The following BMP6 variants were observed in gnomAD, a reference collection of about 807,000 sequenced individuals.
BMP6 encodes VG-1-R.
Under a neutral mutation model 54.1 loss-of-function variants are expected in BMP6, and 17 were observed. That is an observed-to-expected ratio of 0.31 (90% CI 0.22 to 0.47). BMP6 has a LOEUF of 0.47. Ranked by LOEUF, BMP6 falls within the 20% of genes least tolerant of loss-of-function variation. The pLI, the probability that BMP6 is intolerant of heterozygous loss-of-function variation, is 1.00. For missense variants in BMP6, 720 were observed against 690.4 expected (o/e 1.04, Z -0.48); for synonymous variants, 328 against 291.2 (o/e 1.13, Z -1.28).
rs757390790 is a variant in BMP6, at chr6:7,880,558, A to C, written c.*215A>C. 5.0e-5 allele frequency: 31 copies of C among 617,894 alleles called. No homozygotes were observed. The highest frequency in any genetic ancestry group is 3.4e-4 in the East Asian group (12 of 35,122). The allele number at this position is 617,894 out of a possible 1,614,324, so 38.3% of individuals were successfully genotyped here. ...GTAGTTGTTGGTCTGTAGCAAGCTG[A>C]GTTTGGATGTCTGTAGCATAAGGTC... On this transcript the variant is annotated 3_prime_UTR_variant, in exon 7 of 7. Transcript: ENST00000283147.
intron 1 of BMP6, among the ~76,000 whole-genome samples, chr6:7,740,006 G>A (rs1762018157): frequency 6.6e-6 from 1 of 152,222 alleles, no homozygotes; most frequent in Non-Finnish European, 1.5e-5. Context: ...GATTCAGAAG[G>A]GTTGGCCTGT....
chr6:7,758,607 C>T (rs954976304), intron 1 of BMP6, among the ~76,000 whole-genome samples: 3 of 152,180 alleles, frequency 2.0e-5, no homozygotes, highest in Admixed American at 2.0e-4. Flanking sequence ...ATTTTGACTT[C>T]TTTTGAATAG....
At chr6:7,843,287 G>A (rs922852123) in intron 1 of BMP6, among the ~76,000 whole-genome samples, 7 of 151,336 alleles carry the variant, frequency 4.6e-5, no homozygotes, top group Non-Finnish European at 8.8e-5. Flanking sequence ...AAAAGAACTC[G>A]AATCTAAAAA....
intron 1 of BMP6, among the ~76,000 whole-genome samples, chr6:7,793,828 A>G (rs1392255508): frequency 6.6e-6 from 1 of 152,182 alleles, no homozygotes; most frequent in Non-Finnish European, 1.5e-5. Context: ...CCAGATATCC[A>G]CGGGCTGTCA....
intron 1 of BMP6, among the ~76,000 whole-genome samples, chr6:7,836,022 A>G (rs1001284806): frequency 3.3e-5 from 5 of 151,834 alleles, no homozygotes; most frequent in Admixed American, 2.6e-4. Flanking sequence ...TGTATTTTTA[A>G]TAGAGGCAAG....
At chr6:7,803,738 C>T (rs140414623) in intron 1 of BMP6, among the ~76,000 whole-genome samples, 1 of 152,142 alleles carries the variant, frequency 6.6e-6, no homozygotes, top group Non-Finnish European at 1.5e-5. Flanking sequence ...TTTCAAGATG[C>T]ACCATTTTTT....
intron 1 of BMP6, among the ~76,000 whole-genome samples, chr6:7,826,169 C>T (rs1164049625): frequency 6.6e-6 from 1 of 152,182 alleles, no homozygotes; most frequent in East Asian, 1.9e-4. Flanking sequence ...CTCTCTCTGT[C>T]TGCGAGTCTG....
chr6:7,736,631 C>T (rs1761959594), intron 1 of BMP6, among the ~76,000 whole-genome samples: 2 of 152,164 alleles, frequency 1.3e-5, no homozygotes, highest in Non-Finnish European at 2.9e-5. Context: ...TATGACAAAG[C>T]TACACAGGTT....
intron 1 of BMP6, among the ~76,000 whole-genome samples, chr6:7,805,055 G>C (rs936339253): frequency 1.3e-5 from 2 of 152,130 alleles, no homozygotes; most frequent in Non-Finnish European, 2.9e-5. Flanking sequence ...TTTTATTGTT[G>C]AAAGTTTAAC....
intron 2 of BMP6, among the ~76,000 whole-genome samples, chr6:7,847,369 G>A (rs183146835): frequency 6.6e-6 from 1 of 152,208 alleles, no homozygotes; most frequent in African/African-American, 2.4e-5. Context: ...TTATCTGTGG[G>A]CCAGGAGCCC....
intron 1 of BMP6, among the ~76,000 whole-genome samples, chr6:7,827,392 C>T (rs890092095): frequency 2.0e-5 from 3 of 152,226 alleles, no homozygotes; most frequent in Non-Finnish European, 4.4e-5. Context: ...AATGTGCTCT[C>T]TGGTGCTACA....
At chr6:7,874,046 A>G (rs1264445028) in intron 4 of BMP6, among the ~76,000 whole-genome samples, 1 of 152,144 alleles carries the variant, frequency 6.6e-6, no homozygotes, top group Non-Finnish European at 1.5e-5. Context: ...GGACACCTTT[A>G]GGAGCGCAGG....
chr6:7,733,099 T>G (rs1561753349), intron 1 of BMP6, among the ~76,000 whole-genome samples: 1 of 151,976 alleles, frequency 6.6e-6, no homozygotes, highest in Non-Finnish European at 1.5e-5. Context: ...GGAGCTGGGG[T>G]TTCACCATGT....
intron 1 of BMP6, among the ~76,000 whole-genome samples, chr6:7,803,656 T>G (rs1748558187): frequency 6.6e-6 from 1 of 152,184 alleles, no homozygotes; most frequent in Non-Finnish European, 1.5e-5. Flanking sequence ...TTTTGTAGTT[T>G]TCTCGGCCCA....
intron 2 of BMP6, 71 bp from the exon 3 acceptor site, chr6:7,861,380 T>C: frequency 6.4e-7 from 1 of 1,567,216 alleles, no homozygotes; most frequent in East Asian, 2.2e-5. Context: ...ATCCTGACGC[T>C]GAGACAGGAA....
At position 7,727,420 on chromosome 6, in the gene BMP6, G is replaced by C. The variant is rs777999429; in HGVS notation, c.465G>C (p.Gly155=). Reference sequence around the variant, plus strand: ...ACGACGAGGACGGGGCGTCGGAGGGGGAGAGGCAGCAGTCCTGGCCCCACG... The same window carrying C: ...ACGACGAGGACGGGGCGTCGGAGGGCGAGAGGCAGCAGTCCTGGCCCCACG... ...ADNDEDGASE[G]ERQQSWPHEA... The change falls in exon 1 of 7, where the codon GGG becomes GGC. Residue 155 remains glycine (G), a synonymous_variant. Transcript: ENST00000283147. 3 of 1,607,108 alleles carry C rather than the reference G, an allele frequency of 1.9e-6. No homozygotes were observed. Among genetic ancestry groups the C allele is most frequent in the Non-Finnish European group, 2.5e-6 (3 of 1,177,820 alleles).
At chr6:7,812,337 T>C (rs1215783788) in intron 1 of BMP6, among the ~76,000 whole-genome samples, 1 of 152,232 alleles carries the variant, frequency 6.6e-6, no homozygotes, top group Non-Finnish European at 1.5e-5. Context: ...CCTAGACACA[T>C]TTGAAATTCA....
intron 1 of BMP6, among the ~76,000 whole-genome samples, chr6:7,789,783 A>G (rs1407498945): frequency 6.6e-6 from 1 of 152,090 alleles, no homozygotes; most frequent in Non-Finnish European, 1.5e-5. Context: ...TGACCCTCCT[A>G]TCCTTTCAAG....
intron 2 of BMP6, among the ~76,000 whole-genome samples, chr6:7,851,568 T>C (rs1759142702): frequency 6.6e-6 from 1 of 152,160 alleles, no homozygotes; most frequent in African/African-American, 2.4e-5. Flanking sequence ...ATTTTTTATT[T>C]CTCTTTTTCT....
Sources: gnomAD v4.1 joint callset for allele counts (sites outside exome capture counted in the v4.1 genomes callset) on GRCh38, gnomAD v4.1.1 for gene constraint, MANE v1.5 for transcripts, NCBI Gene and HGNC (gene_info 2026-07-23, HGNC 2026-07-21) for gene names.